Variants in RANBP1 observed in about 807,000 individuals in gnomAD.
RANBP1 encodes ran-specific GTPase-activating protein.
Under a neutral mutation model 31.4 loss-of-function variants are expected in RANBP1, and 16 were observed. The ratio of observed to expected loss-of-function variants is 0.51; its 90% CI spans 0.34 to 0.77. RANBP1 has a LOEUF of 0.77. Ranked by LOEUF, RANBP1 falls within the 30% of genes least tolerant of loss-of-function variation. The probability of loss-of-function intolerance (pLI) is 0.01; values close to 1 mark genes in which losing one functional copy is unlikely to be tolerated. For missense variants in RANBP1, 265 were observed against 362.0 expected, an observed-to-expected ratio of 0.73 and a Z score of 2.17; for synonymous variants, 129 against 140.5, an observed-to-expected ratio of 0.92 and a Z score of 0.58.
intron 2 of RANBP1, among the ~76,000 whole-genome samples, chr22:20,119,887 TAAA>T (rs1245712689): frequency 6.6e-6 from 1 of 152,182 alleles, no homozygotes; most frequent in African/African-American, 2.4e-5. Context: ...TAAAACCACT[TAAA>T]AAAATTCTGT....
chr22:20,124,173 G>A (rs982745703), intron 3 of RANBP1: 1 of 152,644 alleles, frequency 6.6e-6, no homozygotes, highest in Non-Finnish European at 1.5e-5. Context: ...CTTCCCTGAT[G>A]CCCTGTGCTG....
In RANBP1 at chr22:20,125,737, G is replaced by A. The variant is rs1313971262; in HGVS notation, c.670+301G>A. 1.1e-5 allele frequency: 12 copies of A among 1,112,294 alleles called. No homozygotes were observed. In the East Asian group the frequency reaches 1.3e-4, roughly 12 times the overall value. The allele number at this position is 1,112,294 out of a possible 1,614,324, so 68.9% of individuals were successfully genotyped here. ...AGCTCCGGTTCCCATTAGTTGTTGC[G>A]GAGCCTGAGGCCCAACCCAGGGCTT... On this transcript the variant is annotated intron_variant, in intron 4 of 5. Transcript: ENST00000430524.
intron 5 of RANBP1, 33 bp from the exon 6 acceptor site, chr22:20,126,919 T>G: frequency 6.2e-7 from 1 of 1,604,286 alleles, no homozygotes; most frequent in East Asian, 2.2e-5. Flanking sequence ...GCACCGTGCT[T>G]CTGTTTTCTC....
Position 20,119,905 on chromosome 22 carries a change from G to GTGC in RANBP1, c.383+758_383+760dup, listed in dbSNP as rs571960597. ...AACCACTTAAAAAAATTCTGTACAT[G>GTGC]TGCTTCTTGACGCTTTCAGTTAAGA... On this transcript the variant is annotated intron_variant, in intron 2 of 5. Transcript: ENST00000430524. 1.2e-4 allele frequency among the ~76,000 whole-genome samples: 19 copies of GTGC among 152,342 alleles called. No individual in the cohort carries two copies. In the East Asian group the frequency reaches 3.7e-3, roughly 29 times the overall value.
chr22:20,121,249 GCTCT>G (rs1315173094), intron 2 of RANBP1, among the ~76,000 whole-genome samples: 1 of 151,744 alleles, frequency 6.6e-6, no homozygotes, highest in Non-Finnish European at 1.5e-5. Flanking sequence ...CCCCGCGCCT[GCTCT>G]CTCTTTTTTT....
Position 20,117,844 on chromosome 22 carries a change from A to T in RANBP1, c.247-1169A>T, listed in dbSNP as rs2147972011. 3.0e-6 allele frequency: 3 copies of T among 1,007,120 alleles called. No homozygotes were observed. In the South Asian group the frequency reaches 1.4e-4, roughly 47 times the overall value. 62.4% of individuals were successfully genotyped at this position (1,007,120 alleles called of 1,614,324 possible). On this transcript the variant is annotated intron_variant, in intron 1 of 5. Transcript: ENST00000430524. ...GGGTTTGGGGGCTCGAGGCCTGCGG[A>T]GTTGGGGCGTTTGGGGGTGCAGGCT...
intron 1 of RANBP1, chr22:20,117,250 T>C: frequency 1.8e-6 from 1 of 552,002 alleles, no homozygotes; most frequent in Non-Finnish European, 2.8e-6. Flanking sequence ...GGCAACGTCA[T>C]CGTCACGCGC....
At position 20,116,320 on chromosome 22, in the gene RANBP1, A is replaced by G. The variant is rs751285351; in HGVS notation, c.136A>G (p.Lys46Glu). The part of the protein sequence containing the change: ...NVTKAQGGCP[K>E]SLVLWGCRPK... ...CACAAAGGCGCAGGGTGGTTGCCCA[A>G]AGAGTTTGGTTTTGTGGGGCTGCAG... is the stretch of plus-strand genomic sequence containing the variant. Residue 46 changes from lysine to glutamate, a missense_variant, in exon 1 of 6, where the codon AAG becomes GAG. Lys to Glu is a moderately conservative substitution (Grantham distance 56). Around this residue, in one of 3 missense-constraint regions of RANBP1, gnomAD observed 126 missense variants for 123.6 expected, o/e 1.02. Transcript: ENST00000430524. 54 of 1,612,828 alleles carry G rather than the reference A, an allele frequency of 3.3e-5. No homozygotes were observed. Among genetic ancestry groups the G allele is most frequent in the African/African-American group, 1.6e-4 (12 of 74,936 alleles).
Position 20,126,356 on chromosome 22 carries a change from A to G in RANBP1, c.724A>G (p.Arg242Gly). The change falls in exon 5 of 6, where the codon AGA becomes GGA. Residue 242 changes from arginine (R) to glycine (G), a missense_variant. By Grantham distance (125) the Arg-to-Gly change is moderately radical. This residue lies in a region of RANBP1 where 49 missense variants were observed against 47.9 expected (regional missense o/e 1.02). Coordinates refer to ENST00000430524, the MANE Select transcript of RANBP1 (RefSeq NM_001278639.2). ...FEECRKEIEE[R>G]EKKAGSGKND... ...AGAATGCAGGAAAGAGATCGAAGAGAGAGAAAAGAAAGGTGACGTGGTGCC... is the reference window on the plus strand; with the variant it reads ...AGAATGCAGGAAAGAGATCGAAGAGGGAGAAAAGAAAGGTGACGTGGTGCC... The G allele has an allele frequency of 6.2e-7, 1 of 1,614,024 alleles. No homozygotes were observed.
At chr22:20,117,436 C>T in intron 1 of RANBP1, 1 of 1,196,904 alleles carries the variant, frequency 8.4e-7, no homozygotes, top group Non-Finnish European at 1.0e-6. Flanking sequence ...GTGTCCGCCT[C>T]CTGAGCCAAT....
At position 20,125,452 on chromosome 22, in the gene RANBP1, T is replaced by C. The variant is rs758317501; in HGVS notation, c.670+16T>C. 1.9e-6 allele frequency: 3 copies of C among 1,592,674 alleles called. No homozygotes were observed. The Admixed American group carries it at 5.3e-5, about 28-fold the overall frequency. ...AATGCTGAGAGTGAGCCAAGGGCCC[T>C]GGGGACCTGCCTGACTTGGGGCTCA... On this transcript the variant is annotated intron_variant, in intron 4 of 5. Transcript: ENST00000430524.
intron 1 of RANBP1, chr22:20,116,639 G>T: frequency 1.3e-6 from 2 of 1,522,044 alleles, no homozygotes; most frequent in Non-Finnish European, 8.8e-7. Context: ...GGGGTGCTAG[G>T]GTGAGGACTA....
Position 20,126,938 on chromosome 22 carries a change from G to A in RANBP1, c.737-14G>A, listed in dbSNP as rs1236033005. 4.3e-6 allele frequency: 7 copies of A among 1,611,476 alleles called. No homozygotes were observed. In the African/African-American group the frequency reaches 6.7e-5, roughly 15 times the overall value. The stretch of plus-strand genomic sequence containing the variant: ...CGTGCTTCTGTTTTCTCACTGTGCT[G>A]CTTGTGTTTTTAGCAGGATCAGGCA... On this transcript the variant is annotated splice_polypyrimidine_tract_variant and intron_variant, in intron 5 of 5. Transcript: ENST00000430524.
chr22:20,116,282 C>A lies in RANBP1; in HGVS notation c.98C>A (p.Ala33Glu), dbSNP rs769209194. The change falls in exon 1 of 6, where the codon GCG becomes GAG. Residue 33 changes from alanine (A) to glutamate (E), a missense_variant. By Grantham distance (107) the Ala-to-Glu change is moderately radical. This residue lies in a region of RANBP1 where 126 missense variants were observed against 123.6 expected (regional missense o/e 1.02). Coordinates refer to ENST00000430524, the MANE Select transcript of RANBP1 (RefSeq NM_001278639.2). ...KTRRALSLSAALRNVTKAQGG... is the reference protein window; with the variant it reads ...KTRRALSLSAELRNVTKAQGG... ...CGCAGGGCCTTGTCCCTCTCTGCAG[C>A]GCTGCGGAATGTCACAAAGGCGCAG... 6.2e-7 allele frequency: 1 copy of A among 1,612,958 alleles called. No individual in the cohort carries two copies. The highest frequency in any genetic ancestry group is 8.5e-7 in the Non-Finnish European group (1 of 1,180,022).
At chr22:20,125,629 TAAACTC>T in intron 4 of RANBP1, 193 bp downstream of exon 4, 2 of 1,480,278 alleles carry the variant, frequency 1.4e-6, no homozygotes, top group Non-Finnish European at 1.8e-6. Context: ...CCTTCCCCCT[TAAACTC>T]AAAGCTGTGC....
At chr22:20,126,405 G>C in intron 5 of RANBP1, 37 bp downstream of exon 5, 3 of 1,613,730 alleles carry the variant, frequency 1.9e-6, no homozygotes, top group South Asian at 2.2e-5. Flanking sequence ...CTTCTTTGCA[G>C]ACTCACTCTG....
rs561631240 is a variant in RANBP1, at chr22:20,121,014, C to T, written c.384-1250C>T. Among the ~76,000 whole-genome samples, 111 of 151,792 alleles carry T rather than the reference C, an allele frequency of 7.3e-4. 1 individual carries two copies. Among genetic ancestry groups the T allele is most frequent in the East Asian group, 7.8e-4 (4 of 5,130 alleles). On this transcript the variant is annotated intron_variant, in intron 2 of 5. Coordinates refer to ENST00000430524, the MANE Select transcript of RANBP1 (RefSeq NM_001278639.2). ...TGTTGCCCAGGCTGGAGTGCAGTGG[C>T]GCGATCTTGGCTCACTGCAACCTCT...
chr22:20,118,347 G>C (rs989146167), intron 1 of RANBP1: 1 of 1,002,020 alleles, frequency 1.0e-6, no homozygotes, highest in East Asian at 1.1e-4. Context: ...CCTAAAATAT[G>C]ATTATTGGTG....
intron 5 of RANBP1, 148 bp from the exon 6 acceptor site, chr22:20,126,804 C>T: frequency 1.5e-6 from 2 of 1,345,228 alleles, no homozygotes; most frequent in African/African-American, 1.5e-5. Flanking sequence ...AGACAGACTC[C>T]AGGAGGCGGC....
Sources: allele counts gnomAD v4.1 joint callset (sites outside exome capture counted in the v4.1 genomes callset), GRCh38; gene constraint gnomAD v4.1.1; regional missense constraint gnomAD v4.1.1; transcripts MANE v1.5; gene names NCBI Gene and HGNC (gene_info 2026-07-23, HGNC 2026-07-21).